INTS12: variants seen among roughly 807,000 people sequenced by gnomAD.
INTS12 encodes PHD finger protein 22.
Under a neutral mutation model 41.6 loss-of-function variants are expected in INTS12, and 13 were observed. That is an observed-to-expected ratio of 0.31 (90% confidence interval 0.20 to 0.50). The LOEUF is 0.50. INTS12 is among the 20% of genes least tolerant of loss of function. The probability of loss-of-function intolerance (pLI) is 0.98; values close to 1 mark genes in which losing one functional copy is unlikely to be tolerated. For synonymous variants in INTS12, 199 were observed against 191.4 expected, an observed-to-expected ratio of 1.04 and a Z score of -0.33; for missense variants, 432 against 541.6, an observed-to-expected ratio of 0.80 and a Z score of 2.01.
chr4:105,701,536 T>C (rs1159663070), intron 2 of INTS12, among the ~76,000 whole-genome samples: 1 of 152,126 alleles, frequency 6.6e-6, no homozygotes, highest in East Asian at 1.9e-4. Context: ...CTGGTCACCA[T>C]GTACGTTCTG....
Position 105,701,056 on chromosome 4 carries a change from G to T in INTS12, c.-9-1042C>A, listed in dbSNP as rs1177805389. ...CATTGCTATAGTTAGGGAACTGTCA[G>T]CAATTCCACAGTTATCTCCCATTTT... On this transcript the variant is annotated intron_variant, in intron 2 of 7. Transcript: ENST00000340139. Among the ~76,000 whole-genome samples, 7 of 152,054 alleles carry T rather than the reference G, an allele frequency of 4.6e-5. No homozygotes were observed. In the South Asian group the frequency reaches 1.4e-3, roughly 31 times the overall value.
intron 2 of INTS12, among the ~76,000 whole-genome samples, chr4:105,703,283 G>A (rs1179043820): frequency 6.6e-6 from 1 of 152,198 alleles, no homozygotes. Context: ...AGGAGAATGT[G>A]AGAAAATTAA....
At chr4:105,707,467 C>A (rs2149196585) in intron 1 of INTS12, among the ~76,000 whole-genome samples, 1 of 152,138 alleles carries the variant, frequency 6.6e-6, no homozygotes, top group East Asian at 1.9e-4. Context: ...ATTAAGTGAT[C>A]AAAGTATAGT....
Position 105,699,902 on chromosome 4 carries a change from A to T in INTS12, c.104T>A (p.Leu35His). The change falls in exon 3 of 8, where the codon CTT (leucine) becomes CAT (histidine). Residue 35 changes from leucine (L) to histidine (H), a missense_variant. By Grantham distance (99) the Leu-to-His change is moderately conservative. Coordinates refer to ENST00000340139, the MANE Select transcript of INTS12 (RefSeq NM_020395.4). The part of the protein sequence containing the change: ...KDSAEKLKAL[L>H]DESLARGIDS... ...AATGCCCCGAGCCAAAGATTCATCA[A>T]GCAGTGCTTTTAGCTTTTCAGCAGA... 1 of 1,560,304 alleles carries T rather than the reference A, an allele frequency of 6.4e-7. No homozygotes were observed. Among genetic ancestry groups the T allele is most frequent in the Non-Finnish European group, 8.8e-7 (1 of 1,141,284 alleles).
chr4:105,705,459 G>A (rs1732233458), intron 1 of INTS12: 1 of 152,226 alleles, frequency 6.6e-6, no homozygotes, highest in East Asian at 1.9e-4. Flanking sequence ...CACAATAAAT[G>A]TAATGCACTT....
chr4:105,690,855 A>G (rs1731661188), intron 6 of INTS12, among the ~76,000 whole-genome samples: 1 of 152,186 alleles, frequency 6.6e-6, no homozygotes, highest in African/African-American at 2.4e-5. Flanking sequence ...GTTTCTTATC[A>G]ATGCTCTGGA....
In INTS12 at chr4:105,685,553, A is replaced by G. The variant is rs537754477; in HGVS notation, c.804+1139T>C. Among the ~76,000 whole-genome samples the G allele has an allele frequency of 1.1e-4, 16 of 152,290 alleles. No individual in the cohort carries two copies. In the South Asian group the frequency reaches 3.3e-3, roughly 32 times the overall value. On this transcript the variant is annotated intron_variant, in intron 7 of 7. Coordinates refer to ENST00000340139, the MANE Select transcript of INTS12 (RefSeq NM_020395.4). ...AAGTTTTTAAAAGTATTTCGTATTC[A>G]TATTCTTTTTCATCACATCAAGGGT...
Position 105,695,624 on chromosome 4 carries a change from A to C in INTS12, c.201T>G (p.Ile67Met). The change falls in exon 4 of 8, where the codon ATT becomes ATG. Residue 67 changes from isoleucine (I) to methionine (M), a missense_variant. Transcript: ENST00000340139. ...PKISSTKNISIKQEPKISSSL... is the reference protein window; with the variant it reads ...PKISSTKNISMKQEPKISSSL... ...TGGATGATATTTTGGGCTCTTGCTT[A>C]ATGGAAATGTTTTTTGTGCTTGAAA... is the stretch of plus-strand genomic sequence containing the variant. The C allele has an allele frequency of 2.5e-6, 4 of 1,613,262 alleles. No homozygotes were observed. The East Asian group carries it at 8.9e-5, about 36-fold the overall frequency.
At chr4:105,702,984 A>C (rs557813916) in intron 2 of INTS12, 5 of 984,948 alleles carry the variant, frequency 5.1e-6, no homozygotes, top group Non-Finnish European at 3.6e-6. Context: ...TTTCTACAGC[A>C]GTCATAAAGA....
rs570083843 is a variant in INTS12, at chr4:105,683,267, T to G, written c.855A>C (p.Ser285=). 1.2e-6 allele frequency: 2 copies of G among 1,613,828 alleles called. No individual in the cohort carries two copies. Among genetic ancestry groups the G allele is most frequent in the South Asian group, 1.1e-5 (1 of 91,040 alleles). ...CCCATCCAGTTAAGCCACTAGTTACTGACGAGGAAACGCTGGCACTAGAAG... is the reference window on the plus strand; with the variant it reads ...CCCATCCAGTTAAGCCACTAGTTACGGACGAGGAAACGCTGGCACTAGAAG... ...GNSSSASVSS[S]VTSGLTGWAA... Residue 285 remains serine, a synonymous_variant, in exon 8 of 8, where the codon TCA becomes TCC. Transcript: ENST00000340139.
chr4:105,682,639 G>T lies in INTS12; in HGVS notation c.*94C>A, dbSNP rs539096809. 76 of 902,950 alleles carry T rather than the reference G, an allele frequency of 8.4e-5. 2 individuals carry two copies. The South Asian group carries it at 1.4e-3, about 17-fold the overall frequency. The allele number at this position is 902,950 out of a possible 1,614,324, so 55.9% of individuals were successfully genotyped here. On this transcript the variant is annotated 3_prime_UTR_variant, in exon 8 of 8. Transcript: ENST00000340139. ...GAAACAATAGAAATTTGATTATGAA[G>T]ACTTTTATTAAATTACAGTGTATTA...
At position 105,708,684 on chromosome 4, in the gene INTS12, G is replaced by A. The variant is rs1732398845; in HGVS notation, c.-218C>T. ...TCCGTCTGTTCCCGGTGGTCCCTTCGGAAACGGTTCCCGCACTGGCCGGCT... is the reference window on the plus strand; with the variant it reads ...TCCGTCTGTTCCCGGTGGTCCCTTCAGAAACGGTTCCCGCACTGGCCGGCT... On this transcript the variant is annotated 5_prime_UTR_variant, in exon 1 of 8. Coordinates refer to ENST00000340139, the MANE Select transcript of INTS12 (RefSeq NM_020395.4). 1.2e-6 allele frequency: 1 copy of A among 855,086 alleles called. No homozygotes were observed. The highest frequency in any genetic ancestry group is 1.4e-6 in the Non-Finnish European group (1 of 711,208). The allele number at this position is 855,086 out of a possible 1,614,324, so 53.0% of individuals were successfully genotyped here.
intron 6 of INTS12, 137 bp downstream of exon 6, chr4:105,691,839 A>G (rs72969249): frequency 0.013 from 7,647 of 595,620 alleles, 319 homozygotes; most frequent in African/African-American, 0.1. Context: ...ACATGTACAT[A>G]CTATACATAT....
Position 105,682,998 on chromosome 4 carries a change from C to A in INTS12, c.1124G>T (p.Arg375Leu), listed in dbSNP as rs564283832. Residue 375 changes from arginine (R) to leucine (L), a missense_variant, in exon 8 of 8, where the codon CGC (arginine) becomes CTC (leucine). By Grantham distance (102) the Arg-to-Leu change is moderately radical. Transcript: ENST00000340139. ...GCTGACATTGTCACAACTAACTGAG[C>A]GACTAAGGCCAGTTTTACCCAAGGT... Reference protein sequence around the residue: ...PLTLGKTGLSRSVSCDNVSKV... With the variant: ...PLTLGKTGLSLSVSCDNVSKV... 6.2e-7 allele frequency: 1 copy of A among 1,613,946 alleles called. No homozygotes were observed.
At chr4:105,688,280 A>C (rs1399188705) in intron 6 of INTS12, among the ~76,000 whole-genome samples, 1 of 152,150 alleles carries the variant, frequency 6.6e-6, no homozygotes, top group Non-Finnish European at 1.5e-5. Context: ...TAATCTTCAT[A>C]AGCCCATACA....
intron 7 of INTS12, among the ~76,000 whole-genome samples, chr4:105,684,940 A>G (rs186822512): frequency 6.6e-6 from 1 of 152,232 alleles, no homozygotes; most frequent in African/African-American, 2.4e-5. Context: ...TTTCATTTTA[A>G]TGGCTTGCTG....
In INTS12 at chr4:105,693,337, A is replaced by T; in HGVS notation, c.459T>A (p.Asp153Glu). The T allele has an allele frequency of 6.2e-7, 1 of 1,611,544 alleles. No homozygotes were observed. Among genetic ancestry groups the T allele is most frequent in the Non-Finnish European group, 8.5e-7 (1 of 1,178,264 alleles). ...AGGCCAATCCCATCTCCATGGCAAA[A>T]TCATCAGCACTGGTCTCCTCAAAAC... ...LSSFEETSAD[D>E]FAMEMGLACV... The change falls in exon 5 of 8, where the codon GAT becomes GAA. Residue 153 changes from aspartate to glutamate, a missense_variant. Physicochemically the swap from Asp to Glu is conservative, Grantham distance 45 (BLOSUM62 2). Around this residue, in one of 3 missense-constraint regions of INTS12, gnomAD observed 168 missense variants for 198.9 expected, o/e 0.84. Transcript: ENST00000340139.
chr4:105,684,160 A>C (rs912123482), intron 7 of INTS12, among the ~76,000 whole-genome samples: 12 of 152,158 alleles, frequency 7.9e-5, no homozygotes, highest in Non-Finnish European at 1.6e-4. Context: ...TTTCCTGGCT[A>C]ATCAGAAGCT....
chr4:105,707,316 ATTTTT>A (rs34994709), intron 1 of INTS12, among the ~76,000 whole-genome samples: 1 of 140,710 alleles, frequency 7.1e-6, no homozygotes. Flanking sequence ...CCCTTGAAGC[ATTTTT>A]TTTTTTTTTT....
Sources: gnomAD v4.1 joint callset for allele counts (sites outside exome capture counted in the v4.1 genomes callset) on GRCh38, gnomAD v4.1.1 for gene constraint, gnomAD v4.1.1 regional missense constraint, MANE v1.5 for transcripts, NCBI Gene and HGNC (gene_info 2026-07-23, HGNC 2026-07-21) for gene names.